The following GNG7 variants were observed in gnomAD, a reference collection of about 807,000 sequenced individuals.
The protein encoded by GNG7 is G protein subunit gamma 7, also known as guanine nucleotide-binding protein G(I)/G(S)/G(O) subunit gamma-7.
GNG7 carries 1 observed loss-of-function variant against 4.0 expected under a neutral mutation model. The observed-to-expected ratio is 0.25, with a 90% CI of 0.09 to 1.18. The LOEUF (loss-of-function observed/expected upper bound fraction) is 1.18. GNG7 is among the 50% of genes most tolerant of loss of function. The pLI, the probability that GNG7 is intolerant of heterozygous loss-of-function variation, is 0.50. For synonymous variants in GNG7, 34 were observed against 36.9 expected (o/e 0.92, Z 0.29); for missense variants, 86 against 91.9 (o/e 0.94, Z 0.26).
At chr19:2,643,633 C>G (rs1457172851) in intron 2 of GNG7, 1 of 455,616 alleles carries the variant, frequency 2.2e-6, no homozygotes, top group Non-Finnish European at 4.4e-6. Context: ...CGAGACCTCT[C>G]CGGGCTCTGC....
At position 2,557,237 on chromosome 19, in the gene GNG7, GCACATGTGCACA is replaced by G. The variant is rs1347848188; in HGVS notation, c.-77-2061_-77-2050del. Among the ~76,000 whole-genome samples the G allele has an allele frequency of 6.8e-6, 1 of 147,328 alleles. No individual in the cohort carries two copies. The highest frequency in any genetic ancestry group is 6.7e-5 in the Admixed American group (1 of 14,870). Reference sequence around the variant, plus strand: ...CACAGACACACATGCACACACAGACGCACATGTGCACACACACGTGCACACACATTTGCACAC... The same window carrying G: ...CACAGACACACATGCACACACAGACGCACACGTGCACACACATTTGCACAC... On this transcript the variant is annotated intron_variant, in intron 2 of 4. Transcript: ENST00000382159. This position sits in a 1 kb window ranked among gnomAD's most constrained non-coding sequence, Gnocchi z 5.1.
intron 2 of GNG7, among the ~76,000 whole-genome samples, chr19:2,601,960 C>T (rs1376592178): frequency 2.0e-5 from 3 of 151,734 alleles, no homozygotes; most frequent in East Asian, 3.9e-4. Context: ...GGGAGGAGAG[C>T]AGTGGAATCC....
intron 1 of GNG7, among the ~76,000 whole-genome samples, chr19:2,651,361 T>G (rs1599442585): frequency 1.9e-5 from 1 of 52,802 alleles, no homozygotes; most frequent in African/African-American, 8.1e-5. Context: ...CCTCCCTCCC[T>G]TCCCTCCATC....
intron 2 of GNG7, among the ~76,000 whole-genome samples, chr19:2,568,308 T>TACACATAC (rs1555694486): frequency 1.4e-3 from 178 of 130,486 alleles, no homozygotes; most frequent in African/African-American, 5.1e-3. Context: ...CGCACACACA[T>TACACATAC]ACACACGCAC....
intron 3 of GNG7, among the ~76,000 whole-genome samples, chr19:2,532,320 A>G (rs1393128608): frequency 2.0e-5 from 3 of 152,228 alleles, no homozygotes; most frequent in Non-Finnish European, 4.4e-5. Flanking sequence ...GGGGAAAAAA[A>G]GGAACCAGTG....
intron 3 of GNG7, among the ~76,000 whole-genome samples, chr19:2,525,970 A>ATTT (rs1568231777): frequency 1.1e-4 from 3 of 26,780 alleles, no homozygotes; most frequent in African/African-American, 8.8e-4. Flanking sequence ...CCTCCACGCC[A>ATTT]ATTTTTTTTT....
Position 2,560,066 on chromosome 19 carries a change from G to C in GNG7, c.-77-4878C>G, listed in dbSNP as rs540448409. On this transcript the variant is annotated intron_variant, in intron 2 of 4. Transcript: ENST00000382159. ...GTGGTCCACCTAGGAGGGGAAACGG[G>C]GAGGCGGAGCGTGGCCTGGGCTCAG... Among the ~76,000 whole-genome samples the C allele has an allele frequency of 5.9e-5, 9 of 152,234 alleles. No individual in the cohort carries two copies. The East Asian group carries it at 1.5e-3, about 26-fold the overall frequency.
chr19:2,568,870 A>ACACACACATACTCATGTG (rs1382988232), intron 2 of GNG7, among the ~76,000 whole-genome samples: 1 of 152,138 alleles, frequency 6.6e-6, no homozygotes, highest in Non-Finnish European at 1.5e-5. Context: ...ACACACAAGT[A>ACACACACATACTCATGTG]CACACACATA....
chr19:2,517,036 C>T (rs1170040248), intron 4 of GNG7: 2 of 152,298 alleles, frequency 1.3e-5, no homozygotes, highest in African/African-American at 4.8e-5. Context: ...TAACCGGTAA[C>T]TGTGTCTCTG....
At chr19:2,627,508 C>T (rs1056532826) in intron 2 of GNG7, among the ~76,000 whole-genome samples, 1 of 152,224 alleles carries the variant, frequency 6.6e-6, no homozygotes. Flanking sequence ...GCTGGCAGCC[C>T]GCGTGCTGTA....
intron 1 of GNG7, among the ~76,000 whole-genome samples, chr19:2,671,766 G>A (rs1234492296): frequency 6.6e-6 from 1 of 152,068 alleles, no homozygotes; most frequent in Non-Finnish European, 1.5e-5. Context: ...CTGATTTTTA[G>A]TTTCATTTTA....
rs533394629 is a variant in GNG7, at chr19:2,599,863, G to C, written c.-77-44675C>G. On this transcript the variant is annotated intron_variant, in intron 2 of 4. Coordinates refer to ENST00000382159, the MANE Select transcript of GNG7 (RefSeq NM_052847.3). ...GAGGCAGGAGAATCGCTTGAGCCCT[G>C]GAGGTGGAGGTTGCAGAGAGCTGAG... Among the ~76,000 whole-genome samples, 4 of 152,034 alleles carry C rather than the reference G, an allele frequency of 2.6e-5. No individual in the cohort carries two copies. The East Asian group carries it at 7.7e-4, about 29-fold the overall frequency.
chr19:2,551,590 C>CCAAATATATATTTATAAATATGT (rs1979324629), intron 3 of GNG7, among the ~76,000 whole-genome samples: 1 of 122,576 alleles, frequency 8.2e-6, no homozygotes, highest in African/African-American at 3.0e-5. Context: ...TATAAATATG[C>CCAAATATATATTTATAAATATGT]ATTTATAAAT....
intron 2 of GNG7, among the ~76,000 whole-genome samples, chr19:2,644,452 T>C (rs973876371): frequency 1.0e-5 from 1 of 100,358 alleles, no homozygotes; most frequent in Non-Finnish European, 2.2e-5. Flanking sequence ...CCATTTAAAA[T>C]GCATAATTCT....
At chr19:2,612,033 C>A (rs113080041) in intron 2 of GNG7, among the ~76,000 whole-genome samples, 29 of 152,068 alleles carry the variant, frequency 1.9e-4, no homozygotes, top group African/African-American at 6.7e-4. Context: ...CGCCACCACG[C>A]CCAGCTAATT....
chr19:2,523,944 C>T (rs1215615816), intron 3 of GNG7, among the ~76,000 whole-genome samples: 2 of 152,216 alleles, frequency 1.3e-5, no homozygotes, highest in Admixed American at 1.3e-4. Flanking sequence ...GCAGAGCCCA[C>T]GTGTGGCCGC....
At chr19:2,641,505 G>A (rs1982505813) in intron 2 of GNG7, among the ~76,000 whole-genome samples, 2 of 152,090 alleles carry the variant, frequency 1.3e-5, no homozygotes, top group Non-Finnish European at 2.9e-5. Flanking sequence ...CTGTGAAGGG[G>A]GAGGAGGGGG....
chr19:2,599,754 C>T (rs1362373400), intron 2 of GNG7, among the ~76,000 whole-genome samples: 2 of 151,914 alleles, frequency 1.3e-5, no homozygotes, highest in African/African-American at 4.8e-5. Flanking sequence ...CTGGGCAATA[C>T]GGCGAAACCC....
intron 3 of GNG7, among the ~76,000 whole-genome samples, chr19:2,523,378 C>G (rs1978320007): frequency 6.6e-6 from 1 of 151,704 alleles, no homozygotes; most frequent in Admixed American, 6.6e-5. Context: ...ATAGCAAGAC[C>G]CCCTCTCTAC....
Sources: allele counts gnomAD v4.1 joint callset (sites outside exome capture counted in the v4.1 genomes callset), GRCh38; gene constraint gnomAD v4.1.1; non-coding constraint Gnocchi (gnomAD v3.1); transcripts MANE v1.5; gene names NCBI Gene and HGNC (gene_info 2026-07-23, HGNC 2026-07-21).